The following SMARCAL1 variants were observed in gnomAD, a reference collection of about 807,000 sequenced individuals.
The protein encoded by SMARCAL1 is ATP-driven annealing helicase.
In SMARCAL1, 58 loss-of-function variants were observed where a neutral mutation model predicts 94.5. The ratio of observed to expected loss-of-function variants is 0.61; its 90% confidence interval spans 0.50 to 0.76. The LOEUF (loss-of-function observed/expected upper bound fraction) is 0.76, where lower values mean the gene tolerates loss of function less well. Ranked by LOEUF, SMARCAL1 falls within the 30% of genes least tolerant of loss-of-function variation. SMARCAL1 has a pLI of 0.00. For synonymous variants in SMARCAL1, 422 were observed against 455.1 expected (o/e 0.93, Z 0.93); for missense variants, 1,051 against 1,177.9 (o/e 0.89, Z 1.58).
At chr2:216,452,604 C>T (rs922593263) in intron 12 of SMARCAL1, among the ~76,000 whole-genome samples, 4 of 152,052 alleles carry the variant, frequency 2.6e-5, no homozygotes, top group African/African-American at 9.7e-5. Context: ...CCTCCTGAAC[C>T]AGTTTGAGAA....
At chr2:216,473,706 G>T (rs1695012893) in intron 14 of SMARCAL1, among the ~76,000 whole-genome samples, 1 of 152,130 alleles carries the variant, frequency 6.6e-6, no homozygotes, top group Admixed American at 6.5e-5. Flanking sequence ...GGAAAAAGTA[G>T]ATTGGTTAGA....
intron 10 of SMARCAL1, among the ~76,000 whole-genome samples, chr2:216,442,730 T>C (rs576386992): frequency 3.3e-5 from 5 of 152,246 alleles, no homozygotes; most frequent in African/African-American, 1.2e-4. Flanking sequence ...TAGCATTCTA[T>C]TGGATAAATT....
chr2:216,417,118 C>A (rs1693619624), intron 4 of SMARCAL1, among the ~76,000 whole-genome samples: 1 of 152,204 alleles, frequency 6.6e-6, no homozygotes, highest in African/African-American at 2.4e-5. Flanking sequence ...ATGCTTAGGT[C>A]ACTTTGCAGA....
At chr2:216,477,764 C>G (rs1212976447) in intron 16 of SMARCAL1, among the ~76,000 whole-genome samples, 2 of 152,128 alleles carry the variant, frequency 1.3e-5, no homozygotes, top group African/African-American at 4.8e-5. Flanking sequence ...CCTTATCTCC[C>G]CCTTCCTGAT....
chr2:216,444,190 A>G (rs757535156), intron 10 of SMARCAL1, among the ~76,000 whole-genome samples: 8 of 152,310 alleles, frequency 5.3e-5, no homozygotes, highest in Non-Finnish European at 1.0e-4. Context: ...TCTCTTTGAT[A>G]TTACCTGCCT....
chr2:216,473,796 A>C (rs2106084170), intron 14 of SMARCAL1, among the ~76,000 whole-genome samples: 1 of 152,354 alleles, frequency 6.6e-6, no homozygotes, highest in African/African-American at 2.4e-5. Context: ...AAATAACTAA[A>C]CTAAACATGC....
intron 5 of SMARCAL1, 22 bp downstream of exon 5, chr2:216,420,554 G>A: frequency 1.3e-6 from 2 of 1,575,746 alleles, no homozygotes; most frequent in South Asian, 2.2e-5. Context: ...GTCTTTGTCT[G>A]ATTCCCAGAA....
chr2:216,420,989 C>G (rs1240157004), intron 5 of SMARCAL1, among the ~76,000 whole-genome samples: 5 of 152,208 alleles, frequency 3.3e-5, no homozygotes. Flanking sequence ...GTTTCTGATT[C>G]TGGAACTTGA....
At chr2:216,424,493 G>T (rs1441479417) in intron 6 of SMARCAL1, among the ~76,000 whole-genome samples, 2 of 152,164 alleles carry the variant, frequency 1.3e-5, no homozygotes, top group African/African-American at 4.8e-5. Context: ...TCATTTGTGG[G>T]TACCAATCAG....
chr2:216,458,009 A>G (rs575739348), intron 12 of SMARCAL1, among the ~76,000 whole-genome samples: 1 of 152,364 alleles, frequency 6.6e-6, no homozygotes, highest in South Asian at 2.1e-4. Context: ...GGGTATCACC[A>G]CTGATCCCAC....
intron 17 of SMARCAL1, among the ~76,000 whole-genome samples, chr2:216,480,160 A>G (rs781500117): frequency 1.3e-5 from 2 of 152,260 alleles, no homozygotes; most frequent in African/African-American, 2.4e-5. Flanking sequence ...TACCTAAAAT[A>G]TAAGTACAAG....
chr2:216,478,325 C>T, intron 17 of SMARCAL1, 26 bp downstream of exon 17: 2 of 1,556,028 alleles, frequency 1.3e-6, no homozygotes, highest in Non-Finnish European at 1.8e-6. Context: ...GGCTCTTCAC[C>T]CCTGGAGCAG....
intron 4 of SMARCAL1, among the ~76,000 whole-genome samples, chr2:216,418,635 C>T (rs1438258737): frequency 6.6e-6 from 1 of 152,150 alleles, no homozygotes; most frequent in African/African-American, 2.4e-5. Context: ...CATATTTTGA[C>T]GTGTGAAGAA....
chr2:216,433,536 C>T (rs560834794), intron 8 of SMARCAL1, among the ~76,000 whole-genome samples: 131 of 152,200 alleles, frequency 8.6e-4, no homozygotes, highest in African/African-American at 2.9e-3. Context: ...GGAGCCCTGG[C>T]GGATCTTGAT....
intron 5 of SMARCAL1, among the ~76,000 whole-genome samples, chr2:216,423,221 C>T (rs1693763250): frequency 6.6e-6 from 1 of 152,202 alleles, no homozygotes; most frequent in African/African-American, 2.4e-5. Flanking sequence ...AACAACAGCC[C>T]ACCTTACAGA....
chr2:216,451,305 G>C, intron 12 of SMARCAL1: 1 of 518,080 alleles, frequency 1.9e-6, no homozygotes, highest in African/African-American at 1.9e-5. Context: ...TGGCCATAAA[G>C]ATAAGCACAG....
chr2:216,425,459 C>T (rs939888297), intron 6 of SMARCAL1, among the ~76,000 whole-genome samples: 1 of 152,140 alleles, frequency 6.6e-6, no homozygotes, highest in Non-Finnish European at 1.5e-5. Context: ...CAGCTCTGGC[C>T]GAGGGAGTCC....
At position 216,477,162 on chromosome 2, in the gene SMARCAL1, G is replaced by A. The variant is rs2106088586; in HGVS notation, c.2481G>A (p.Val827=). Residue 827 remains valine (V), a synonymous_variant, in exon 16 of 18, where the codon GTG becomes GTA. Coordinates refer to ENST00000357276, the MANE Select transcript of SMARCAL1 (RefSeq NM_014140.4). The stretch of plus-strand genomic sequence containing the variant: ...ACCGCATTGGACAGACCAGCTCCGT[G>A]GGCATTCACTACCTCGTGGCAAAGG... ...RVHRIGQTSS[V]GIHYLVAKGT... is the part of the protein sequence containing the mutation. The A allele has an allele frequency of 6.3e-7, 1 of 1,597,284 alleles. No individual in the cohort carries two copies. Among genetic ancestry groups the A allele is most frequent in the Non-Finnish European group, 8.5e-7 (1 of 1,172,036 alleles).
At chr2:216,423,183 A>G (rs1195369920) in intron 5 of SMARCAL1, among the ~76,000 whole-genome samples, 2 of 152,240 alleles carry the variant, frequency 1.3e-5, no homozygotes, top group Non-Finnish European at 1.5e-5. Flanking sequence ...ACCACATGCA[A>G]CTTGTTTCCC....
Sources: gnomAD v4.1 joint callset for allele counts (sites outside exome capture counted in the v4.1 genomes callset) on GRCh38, gnomAD v4.1.1 for gene constraint, MANE v1.5 for transcripts, NCBI Gene and HGNC (gene_info 2026-07-23, HGNC 2026-07-21) for gene names.